The following CDH13 variants were observed in gnomAD, a reference collection of about 807,000 sequenced individuals.
CDH13 encodes the protein cadherin-13.
Under a neutral mutation model 63.8 loss-of-function variants are expected in CDH13, and 24 were observed. The observed-to-expected ratio is 0.38, with a 90% CI of 0.27 to 0.53. The LOEUF is 0.53. Among genes scored for constraint, CDH13 ranks in the 20% least tolerant of loss-of-function variants. CDH13 has a pLI of 0.85. For synonymous variants in CDH13, 503 were observed against 355.3 expected (o/e 1.42, Z -4.67); for missense variants, 1,049 against 903.1 (o/e 1.16, Z -2.07).
At chr16:82,708,090 CAT>C (rs1333064206) in intron 1 of CDH13, among the ~76,000 whole-genome samples, 1 of 152,160 alleles carries the variant, frequency 6.6e-6, no homozygotes, top group African/African-American at 2.4e-5. Flanking sequence ...GAAGGTGGCT[CAT>C]GTGTATGTCT....
At chr16:82,928,164 ATGTGTGTGTG>A (rs5818417) in intron 2 of CDH13, among the ~76,000 whole-genome samples, 61,047 of 150,918 alleles carry the variant, frequency 0.4, 13,088 homozygotes, top group Non-Finnish European at 0.47. Context: ...GCAGTCGTGT[ATGTGTGTGTG>A]TGTGTGTGTG....
intron 8 of CDH13, among the ~76,000 whole-genome samples, chr16:83,636,391 G>C (rs1442847709): frequency 7.2e-5 from 11 of 152,248 alleles, no homozygotes; most frequent in Admixed American, 2.6e-4. Flanking sequence ...TTTGGAGCAT[G>C]ATGAACCCTA....
intron 6 of CDH13, among the ~76,000 whole-genome samples, chr16:83,460,817 G>A (rs1311489845): frequency 6.7e-6 from 1 of 148,376 alleles, no homozygotes; most frequent in East Asian, 2.0e-4. Context: ...GGGCAACATA[G>A]CGAGATGTTG....
At chr16:83,379,938 T>TATATATAGAGAGAGAGAGAGAGAG in intron 6 of CDH13, among the ~76,000 whole-genome samples, 19 of 123,454 alleles carry the variant, frequency 1.5e-4, no homozygotes, top group Middle Eastern at 4.2e-3. Context: ...TATATATATA[T>TATATATAGAGAGAGAGAGAGAGAG]AGAGAGAGAG....
chr16:82,907,235 C>T (rs1003444985), intron 2 of CDH13, among the ~76,000 whole-genome samples: 6 of 152,066 alleles, frequency 3.9e-5, no homozygotes, highest in African/African-American at 9.7e-5. Context: ...GAAAAGAACG[C>T]GAACCAAAGC....
At chr16:83,560,059 G>C (rs1383290279) in intron 7 of CDH13, among the ~76,000 whole-genome samples, 1 of 152,064 alleles carries the variant, frequency 6.6e-6, no homozygotes, top group African/African-American at 2.4e-5. Context: ...CAACACCCCA[G>C]CTCCTTCTAA....
intron 3 of CDH13, among the ~76,000 whole-genome samples, chr16:83,099,457 G>T (rs1337316763): frequency 6.6e-6 from 1 of 151,498 alleles, no homozygotes; most frequent in Non-Finnish European, 1.5e-5. Flanking sequence ...CAGAGTAGCT[G>T]GGATTACAGG....
chr16:83,623,028 G>A (rs986995427), intron 8 of CDH13, among the ~76,000 whole-genome samples: 2 of 152,200 alleles, frequency 1.3e-5, no homozygotes, highest in African/African-American at 4.8e-5. Flanking sequence ...AAATGGACCC[G>A]AAGTCTGGGA....
intron 6 of CDH13, among the ~76,000 whole-genome samples, chr16:83,402,144 C>A (rs58318080): frequency 0.039 from 5,892 of 152,180 alleles, 128 homozygotes; most frequent in East Asian, 0.059. Flanking sequence ...TGATGCTGTA[C>A]ACTAGCCTAG....
chr16:83,489,754 G>A (rs1481209174), intron 7 of CDH13, among the ~76,000 whole-genome samples: 1 of 152,144 alleles, frequency 6.6e-6, no homozygotes, highest in Non-Finnish European at 1.5e-5. Flanking sequence ...GAGAAGGCCT[G>A]TCTTAGGTGT....
At position 83,552,194 on chromosome 16, in the gene CDH13, TCTAGAAAGGAGC is replaced by T. The variant is rs1404544961; in HGVS notation, c.961-50257_961-50246del. ...CAGGTACATGAGCATCAGGGTGTGATCTAGAAAGGAGCCTGTGGACCTAGTTGGGCGTATTCT... is the reference window on the plus strand; with the variant it reads ...CAGGTACATGAGCATCAGGGTGTGATCTGTGGACCTAGTTGGGCGTATTCT... On this transcript the variant is annotated intron_variant, in intron 7 of 13. Coordinates refer to ENST00000567109, the MANE Select transcript of CDH13 (RefSeq NM_001257.5). Among the ~76,000 whole-genome samples, 2 of 152,242 alleles carry T rather than the reference TCTAGAAAGGAGC, an allele frequency of 1.3e-5. 1 individual carries two copies. The highest frequency in any genetic ancestry group is 4.8e-5 in the African/African-American group (2 of 41,544).
At chr16:82,942,981 T>A (rs1327651804) in intron 2 of CDH13, among the ~76,000 whole-genome samples, 1 of 152,208 alleles carries the variant, frequency 6.6e-6, no homozygotes, top group Non-Finnish European at 1.5e-5. Flanking sequence ...AAAAGCTGAA[T>A]TTATTTGTAT....
intron 7 of CDH13, among the ~76,000 whole-genome samples, chr16:83,529,168 C>T (rs553231579): frequency 6.6e-6 from 1 of 150,944 alleles, no homozygotes; most frequent in South Asian, 2.1e-4. Flanking sequence ...CATTGTTAGG[C>T]ATCTCTGAAG....
chr16:83,480,248 C>G (rs2073727045), intron 6 of CDH13, among the ~76,000 whole-genome samples: 1 of 152,130 alleles, frequency 6.6e-6, no homozygotes, highest in Non-Finnish European at 1.5e-5. Context: ...CCTGGGAGGT[C>G]AAGGCTGCAG....
chr16:82,710,552 A>AAAAATATATATATATATATAT (rs60196638), intron 1 of CDH13, among the ~76,000 whole-genome samples: 7 of 63,754 alleles, frequency 1.1e-4, no homozygotes, highest in Admixed American at 2.7e-4. Flanking sequence ...AAAAAAAAAA[A>AAAAATATATATATATATATAT]ATATATATAT....
chr16:83,008,020 C>T (rs1002223083), intron 2 of CDH13, among the ~76,000 whole-genome samples: 3 of 152,132 alleles, frequency 2.0e-5, no homozygotes, highest in Admixed American at 2.0e-4. Flanking sequence ...ATTGATGGAT[C>T]ATAGTTGCTA....
intron 3 of CDH13, among the ~76,000 whole-genome samples, chr16:83,073,354 T>TGTGTGTGAGAGAGA (rs1311548254): frequency 2.4e-4 from 34 of 139,858 alleles, no homozygotes; most frequent in South Asian, 1.6e-3. Flanking sequence ...TGTGTGTGTG[T>TGTGTGTGAGAGAGA]GAGAGAGAGA....
chr16:83,615,260 G>T (rs1049416552), intron 8 of CDH13, among the ~76,000 whole-genome samples: 6 of 152,062 alleles, frequency 3.9e-5, no homozygotes, highest in Admixed American at 1.3e-4. Flanking sequence ...AGATGCACTT[G>T]TGTCTAAACC....
intron 6 of CDH13, among the ~76,000 whole-genome samples, chr16:83,444,749 C>G (rs996255718): frequency 1.3e-5 from 1 of 75,012 alleles, no homozygotes; most frequent in Non-Finnish European, 2.8e-5. Flanking sequence ...CAGCTTAAAT[C>G]TCTGACTGCC....
Sources: gnomAD v4.1 joint callset for allele counts (sites outside exome capture counted in the v4.1 genomes callset) on GRCh38, gnomAD v4.1.1 for gene constraint, MANE v1.5 for transcripts, NCBI Gene and HGNC (gene_info 2026-07-23, HGNC 2026-07-21) for gene names.